IHH: variants seen among roughly 807,000 people sequenced by gnomAD.
IHH encodes indian hedgehog protein.
Under a neutral mutation model 29.4 loss-of-function variants are expected in IHH, and 9 were observed. That is an observed-to-expected ratio of 0.31 (90% CI 0.18 to 0.53). The LOEUF (loss-of-function observed/expected upper bound fraction) is 0.53, where lower values mean the gene tolerates loss of function less well. Among genes scored for constraint, IHH ranks in the 20% least tolerant of loss-of-function variants. The pLI is 0.95. For synonymous variants in IHH, 254 were observed against 252.7 expected, an observed-to-expected ratio of 1.01 and a Z score of -0.05; for missense variants, 454 against 578.1, an observed-to-expected ratio of 0.79 and a Z score of 2.20.
At chr2:219,058,113 A>G (rs6730783) in intron 1 of IHH, among the ~76,000 whole-genome samples, 110,231 of 152,172 alleles carry the variant, frequency 0.72, 40,400 homozygotes, top group Non-Finnish European at 0.77. Context: ...GAGTGGCAGC[A>G]GAGCCGACTG....
At chr2:219,057,315 C>A in intron 2 of IHH, 118 bp downstream of exon 2, 1 of 1,210,634 alleles carries the variant, frequency 8.3e-7, no homozygotes, top group Non-Finnish European at 1.2e-6. Flanking sequence ...CGCTGATGTC[C>A]TCTTCCCCCG....
At chr2:219,057,217 A>T (rs1948839323) in intron 2 of IHH, among the ~76,000 whole-genome samples, 1 of 152,254 alleles carries the variant, frequency 6.6e-6, no homozygotes, top group South Asian at 2.1e-4. Context: ...GCCCTGGGAC[A>T]GGGCCCTATC....
rs1007314502 is a variant in IHH, at chr2:219,057,671, C to A, written c.339G>T (p.Ser113=). Residue 113 remains serine, a synonymous_variant, in exon 2 of 3, where the codon TCG becomes TCT. Transcript: ENST00000295731. ...ACTGGTTCATCACCGAGATAGCCAG[C>A]GAGTTCAGGCGGTCCTTGCAGCGCT... ...MTQRCKDRLN[S]LAISVMNQWP... 4.4e-6 allele frequency: 7 copies of A among 1,609,064 alleles called. No homozygotes were observed. The highest frequency in any genetic ancestry group is 4.2e-6 in the Non-Finnish European group (5 of 1,179,982).
chr2:219,055,895 C>G, intron 2 of IHH, 30 bp from the exon 3 acceptor site: 1 of 1,590,362 alleles, frequency 6.3e-7, no homozygotes, highest in Middle Eastern at 1.7e-4. Flanking sequence ...GAAGGTGTTA[C>G]TGCTGTGCAG....
intron 2 of IHH, 135 bp downstream of exon 2, chr2:219,057,298 A>G (rs1559179587): frequency 9.8e-7 from 1 of 1,020,518 alleles, no homozygotes; most frequent in East Asian, 2.6e-5. Flanking sequence ...GCAGCCTTGG[A>G]GAGCGCCGCT....
At chr2:219,058,599 C>T (rs1342352349) in intron 1 of IHH, 1 of 154,470 alleles carries the variant, frequency 6.5e-6, no homozygotes, top group Non-Finnish European at 1.5e-5. Context: ...GAGCCGCGCC[C>T]TGGGGGAAGG....
chr2:219,055,801 A>G lies in IHH; in HGVS notation c.642T>C (p.Ser214=). The G allele has an allele frequency of 6.2e-7, 1 of 1,612,672 alleles. No homozygotes were observed. The highest frequency in any genetic ancestry group is 8.5e-7 in the Non-Finnish European group (1 of 1,179,914). Residue 214 remains serine (S), a synonymous_variant, in exon 3 of 3, where the codon AGT becomes AGC. Transcript: ENST00000295731. The stretch of plus-strand genomic sequence containing the variant: ...CGGCTGACAAGGCCACACGCGCCCC[A>G]CTCTCCAGGCGTACCTGGGCTCCGG... ...FPAGAQVRLE[S]GARVALSAVR...
chr2:219,055,157 G>T lies in IHH; in HGVS notation c.*50C>A, dbSNP rs924938050. ...AGGGCCAGCTCCCTCCTGGCTGAGAGGCTTCTGGACCCAGTACAGCAGTTC... is the reference window on the plus strand; with the variant it reads ...AGGGCCAGCTCCCTCCTGGCTGAGATGCTTCTGGACCCAGTACAGCAGTTC... On this transcript the variant is annotated 3_prime_UTR_variant, in exon 3 of 3. Coordinates refer to ENST00000295731, the MANE Select transcript of IHH (RefSeq NM_002181.4). 2 of 1,543,576 alleles carry T rather than the reference G, an allele frequency of 1.3e-6. No individual in the cohort carries two copies. Among genetic ancestry groups the T allele is most frequent in the Non-Finnish European group, 8.8e-7 (1 of 1,141,126 alleles).
At chr2:219,056,936 A>G (rs1433991588) in intron 2 of IHH, among the ~76,000 whole-genome samples, 1 of 152,218 alleles carries the variant, frequency 6.6e-6, no homozygotes, top group African/African-American at 2.4e-5. Flanking sequence ...GTCCAGCTTC[A>G]GGGCACAGGG....
At chr2:219,056,542 T>C (rs1476826411) in intron 2 of IHH, among the ~76,000 whole-genome samples, 1 of 152,108 alleles carries the variant, frequency 6.6e-6, no homozygotes, top group Non-Finnish European at 1.5e-5. Context: ...GAAGGGTGGA[T>C]GGGCCTTGCA....
intron 2 of IHH, among the ~76,000 whole-genome samples, chr2:219,056,447 C>T (rs1379182650): frequency 6.6e-6 from 1 of 152,180 alleles, no homozygotes; most frequent in African/African-American, 2.4e-5. Flanking sequence ...CAGAACACTG[C>T]GGCATCAGCA....
Position 219,057,620 on chromosome 2 carries a change from G to C in IHH, c.390C>G (p.Thr130=). 1.2e-6 allele frequency: 2 copies of C among 1,613,698 alleles called. No homozygotes were observed. Among genetic ancestry groups the C allele is most frequent in the Middle Eastern group, 3.3e-4 (2 of 6,062 alleles). ...NQWPGVKLRV[T]EGWDEDGHHS... is the part of the protein sequence containing the mutation. Reference sequence around the variant, plus strand: ...GGTGGCCGTCCTCGTCCCAGCCCTCGGTCACCCGCAGCTTCACACCGGGCC... The same window carrying C: ...GGTGGCCGTCCTCGTCCCAGCCCTCCGTCACCCGCAGCTTCACACCGGGCC... Residue 130 remains threonine (T), a synonymous_variant, in exon 2 of 3, where the codon ACC becomes ACG. Transcript: ENST00000295731.
At chr2:219,058,387 C>T (rs375902139) in intron 1 of IHH, among the ~76,000 whole-genome samples, 3 of 152,220 alleles carry the variant, frequency 2.0e-5, no homozygotes, top group African/African-American at 7.2e-5. Context: ...AACCAGAAAC[C>T]GGCGGATTAG....
In IHH at chr2:219,055,625, G is replaced by A. The variant is rs749868998; in HGVS notation, c.818C>T (p.Pro273Leu). Residue 273 changes from proline to leucine, a missense_variant, in exon 3 of 3, where the codon CCC (proline) becomes CTC (leucine). This residue lies in a region of IHH where 271 missense variants were observed against 315.9 expected (regional missense o/e 0.86). Coordinates refer to ENST00000295731, the MANE Select transcript of IHH (RefSeq NM_002181.4). ...QDPPRRLALTPAHLLFTADNH... is the reference protein window; with the variant it reads ...QDPPRRLALTLAHLLFTADNH... ...GTCAGCCGTAAAGAGCAGGTGAGCGGGTGTGAGTGCCAGGCGGCGTGGGGG... is the reference window on the plus strand; with the variant it reads ...GTCAGCCGTAAAGAGCAGGTGAGCGAGTGTGAGTGCCAGGCGGCGTGGGGG... 7.4e-6 allele frequency: 12 copies of A among 1,613,938 alleles called. No individual in the cohort carries two copies. The highest frequency in any genetic ancestry group is 9.3e-6 in the Non-Finnish European group (11 of 1,179,992).
At position 219,055,234 on chromosome 2, in the gene IHH, T is replaced by TG; in HGVS notation, c.1208dup (p.Leu404ThrfsTer72). 1 of 1,594,658 alleles carries TG rather than the reference T, an allele frequency of 6.3e-7. No homozygotes were observed. Among genetic ancestry groups the TG allele is most frequent in the Non-Finnish European group, 8.5e-7 (1 of 1,171,256 alleles). The stretch of plus-strand genomic sequence containing the variant: ...AGCTCCCTGCCCCGGACATGCCCAG[T>TG]GGGTGGAAGCTGCCCTCTTCTAGCA... On this transcript the variant is annotated frameshift_variant, in exon 3 of 3. Coordinates refer to ENST00000295731, the MANE Select transcript of IHH (RefSeq NM_002181.4). LOFTEE classifies it high-confidence loss of function.
At chr2:219,057,809 T>G (rs1228392673) in intron 1 of IHH, 115 bp from the exon 2 acceptor site, 2 of 1,425,454 alleles carry the variant, frequency 1.4e-6, no homozygotes, top group East Asian at 4.7e-5. Context: ...CCAAGGGAGC[T>G]GGAAGCCCGG....
In IHH at chr2:219,055,027, C is replaced by T. The variant is rs530233138; in HGVS notation, c.*180G>A. 9 of 674,770 alleles carry T rather than the reference C, an allele frequency of 1.3e-5. No homozygotes were observed. The highest frequency in any genetic ancestry group is 9.5e-5 in the South Asian group (5 of 52,508). The allele number at this position is 674,770 out of a possible 1,614,324, so 41.8% of individuals were successfully genotyped here. ...AGCTTGCAGCTCTATGACTACACCA[C>T]GACGGGGGTGGGGGACGCTGGTGTT... On this transcript the variant is annotated 3_prime_UTR_variant, in exon 3 of 3. Coordinates refer to ENST00000295731, the MANE Select transcript of IHH (RefSeq NM_002181.4).
chr2:219,057,601 C>G lies in IHH; in HGVS notation c.409G>C (p.Gly137Arg). Residue 137 changes from glycine to arginine, a missense_variant, in exon 2 of 3, where the codon GGC (glycine) becomes CGC (arginine). Transcript: ENST00000295731. Reference protein sequence around the residue: ...LRVTEGWDEDGHHSEESLHYE... With the variant: ...LRVTEGWDEDRHHSEESLHYE... ...TGCAGGGACTCCTCTGAGTGGTGGC[C>G]GTCCTCGTCCCAGCCCTCGGTCACC... 1.2e-6 allele frequency: 2 copies of G among 1,614,022 alleles called. No individual in the cohort carries two copies. The highest frequency in any genetic ancestry group is 1.7e-6 in the Non-Finnish European group (2 of 1,180,030).
At chr2:219,058,420 G>A (rs942787476) in intron 1 of IHH, among the ~76,000 whole-genome samples, 1 of 152,200 alleles carries the variant, frequency 6.6e-6, no homozygotes, top group African/African-American at 2.4e-5. Context: ...CCAATGGGGG[G>A]CCACATGCAA....
Sources: gnomAD v4.1 joint callset for allele counts (sites outside exome capture counted in the v4.1 genomes callset) on GRCh38, gnomAD v4.1.1 for gene constraint, gnomAD v4.1.1 regional missense constraint, MANE v1.5 for transcripts, NCBI Gene and HGNC (gene_info 2026-07-23, HGNC 2026-07-21) for gene names.